The following TENM2 variants were observed in gnomAD, a reference collection of about 807,000 sequenced individuals.
TENM2 encodes teneurin transmembrane protein 2, also known as teneurin-2.
A neutral mutation model predicts 245.2 loss-of-function variants in TENM2; 52 were observed. The observed-to-expected ratio is 0.21, with a 90% CI of 0.17 to 0.27. TENM2 has a LOEUF of 0.27. TENM2 is among the 10% of genes least tolerant of loss of function. The pLI is 1.00. For missense variants in TENM2, 3,046 were observed against 3,666.8 expected, an observed-to-expected ratio of 0.83 and a Z score of 4.37; for synonymous variants, 1,363 against 1,438.9, an observed-to-expected ratio of 0.95 and a Z score of 1.19.
At chr5:167,293,755 T>G (rs1480765145) in intron 1 of TENM2, among the ~76,000 whole-genome samples, 2 of 152,122 alleles carry the variant, frequency 1.3e-5, no homozygotes, top group Non-Finnish European at 2.9e-5. Context: ...ATAAAAAATG[T>G]AGTGTTGCAA....
chr5:167,873,571 G>A (rs1318189105), intron 2 of TENM2, among the ~76,000 whole-genome samples: 1 of 152,168 alleles, frequency 6.6e-6, no homozygotes, highest in East Asian at 1.9e-4. Flanking sequence ...CTAACCTCAA[G>A]GGACTGTTTT....
At chr5:167,278,112 T>C in the TENM2 span, among the ~76,000 whole-genome samples, 7 of 152,102 alleles carry the variant, frequency 4.6e-5, no homozygotes, top group African/African-American at 1.4e-4. Context: ...AAGACTAGCC[T>C]TGGCAACATG....
chr5:167,421,384 G>A (rs557799803), intron 2 of TENM2, among the ~76,000 whole-genome samples: 5 of 152,084 alleles, frequency 3.3e-5, no homozygotes, highest in African/African-American at 1.2e-4. Context: ...TCAGTCAACA[G>A]CTAACTTAAA....
At chr5:167,238,679 G>A in the TENM2 span, among the ~76,000 whole-genome samples, 1 of 127,020 alleles carries the variant, frequency 7.9e-6, no homozygotes, top group African/African-American at 3.1e-5. Context: ...TTCTGTCCTT[G>A]TAATACAGGA....
At chr5:167,592,098 A>G (rs1454826539) in intron 2 of TENM2, among the ~76,000 whole-genome samples, 1 of 152,218 alleles carries the variant, frequency 6.6e-6, no homozygotes, top group Non-Finnish European at 1.5e-5. Flanking sequence ...GACTTTACCT[A>G]GGTTGGGCAC....
chr5:167,699,604 T>C (rs976716740), intron 2 of TENM2, among the ~76,000 whole-genome samples: 7 of 152,212 alleles, frequency 4.6e-5, no homozygotes, highest in African/African-American at 1.7e-4. Flanking sequence ...AACAATGCCC[T>C]GCCCTGCTGA....
chr5:168,000,000 C>A (rs1784314787), intron 5 of TENM2, among the ~76,000 whole-genome samples: 1 of 152,246 alleles, frequency 6.6e-6, no homozygotes, highest in South Asian at 2.1e-4. Flanking sequence ...TCTCCACCTA[C>A]TATCCCTGAA....
chr5:167,705,695 C>G (rs1758456787), intron 2 of TENM2, among the ~76,000 whole-genome samples: 1 of 151,968 alleles, frequency 6.6e-6, no homozygotes, highest in South Asian at 2.1e-4. Flanking sequence ...GCTTATAAAG[C>G]AAAGAGACAT....
rs182999637 is a variant in TENM2, at chr5:167,796,034, A to G, written c.503-79952A>G. ...GCAAAGGGAAAAGAAGTAGGAGACT[A>G]TGGATGCTAGAGAAAGTAATGGAAA... On this transcript the variant is annotated intron_variant, in intron 2 of 28. Coordinates refer to ENST00000518659, the Ensembl canonical transcript of TENM2. 1.2e-3 allele frequency among the ~76,000 whole-genome samples: 178 copies of G among 152,294 alleles called. 1 individual carries two copies. The highest frequency in any genetic ancestry group is 3.6e-3 in the African/African-American group (150 of 41,564).
At chr5:167,892,901 G>T (rs1453466707) in intron 3 of TENM2, among the ~76,000 whole-genome samples, 1 of 152,124 alleles carries the variant, frequency 6.6e-6, no homozygotes, top group African/African-American at 2.4e-5. Flanking sequence ...ATGAGAAGTG[G>T]ACATGCAAGT....
At chr5:167,249,765 G>C in the TENM2 span, among the ~76,000 whole-genome samples, 27 of 152,234 alleles carry the variant, frequency 1.8e-4, no homozygotes, top group Middle Eastern at 3.4e-3. Context: ...AGGGATAAAT[G>C]ATGTTTGGAC....
rs1453458620 is a variant in TENM2 at position 168,259,316 on chromosome 5, G to A, written c.7433-967G>A. On this transcript the variant is annotated intron_variant, in intron 27 of 28. Coordinates refer to ENST00000518659, the Ensembl canonical transcript of TENM2. Reference sequence around the variant, plus strand: ...AGAGTAGGAAGGCTGGGCCGGGCACGGTGGCTCATGCCTGTAATCCCAGCA... The same window carrying A: ...AGAGTAGGAAGGCTGGGCCGGGCACAGTGGCTCATGCCTGTAATCCCAGCA... Among the ~76,000 whole-genome samples, 4 of 149,270 alleles carry A rather than the reference G, an allele frequency of 2.7e-5. 1 individual carries two copies. Among genetic ancestry groups the A allele is most frequent in the East Asian group, 4.1e-4 (2 of 4,866 alleles).
intron 2 of TENM2, among the ~76,000 whole-genome samples, chr5:167,420,848 T>G (rs1382144056): frequency 2.0e-5 from 3 of 152,210 alleles, no homozygotes; most frequent in Admixed American, 6.5e-5. Context: ...TTTTGCTTAC[T>G]AATATACCTA....
At chr5:168,124,941 G>A (rs1434141061) in exon 11 of TENM2, 2 of 1,612,536 alleles carry the variant, frequency 1.2e-6, no homozygotes, top group African/African-American at 2.7e-5. Context: ...TGAACTGTGA[G>A]CTGGCGAGGG....
At chr5:168,164,327 A>T (rs1758018420) in intron 13 of TENM2, among the ~76,000 whole-genome samples, 1 of 152,070 alleles carries the variant, frequency 6.6e-6, no homozygotes. Flanking sequence ...GCAAATTTTG[A>T]GTGTACACTA....
chr5:167,087,040 C>A, the TENM2 span, among the ~76,000 whole-genome samples: 2 of 151,644 alleles, frequency 1.3e-5, no homozygotes, highest in Non-Finnish European at 2.9e-5. Flanking sequence ...CCATATTTTA[C>A]AAAAGCTATT....
chr5:167,457,845 G>A (rs1284415425), intron 2 of TENM2, among the ~76,000 whole-genome samples: 1 of 152,150 alleles, frequency 6.6e-6, no homozygotes, highest in Non-Finnish European at 1.5e-5. Flanking sequence ...CTGAGTTAGT[G>A]TAACATCCCA....
chr5:168,190,682 G>C, intron 14 of TENM2, 135 bp downstream of exon 16: 1 of 686,008 alleles, frequency 1.5e-6, no homozygotes, highest in Admixed American at 2.8e-5. Flanking sequence ...CCCTCCAAGG[G>C]GGACTCAGAG....
intron 2 of TENM2, among the ~76,000 whole-genome samples, chr5:167,652,184 T>A (rs1754517910): frequency 6.6e-6 from 1 of 152,196 alleles, no homozygotes; most frequent in African/African-American, 2.4e-5. Context: ...TATGGATTCA[T>A]CTTTGGGACT....
Sources: allele counts gnomAD v4.1 joint callset (sites outside exome capture counted in the v4.1 genomes callset), GRCh38; gene constraint gnomAD v4.1.1; transcripts MANE v1.5; gene names NCBI Gene and HGNC (gene_info 2026-07-23, HGNC 2026-07-21).